The following LYN variants were observed in gnomAD, a reference collection of about 807,000 sequenced individuals.
LYN encodes the protein tyrosine-protein kinase Lyn.
A neutral mutation model predicts 65.0 loss-of-function variants in LYN; 12 were observed. The observed-to-expected ratio is 0.18, with a 90% CI of 0.12 to 0.30. The LOEUF (loss-of-function observed/expected upper bound fraction) is 0.30, where lower values mean the gene tolerates loss of function less well. Ranked by LOEUF, LYN falls within the 10% of genes least tolerant of loss-of-function variation. The pLI, the probability that LYN is intolerant of heterozygous loss-of-function variation, is 1.00. For missense variants in LYN, 380 were observed against 623.2 expected, an observed-to-expected ratio of 0.61 and a Z score of 4.16; for synonymous variants, 222 against 221.2, an observed-to-expected ratio of 1.00 and a Z score of -0.03.
intron 8 of LYN, among the ~76,000 whole-genome samples, chr8:55,956,066 C>T (rs1411936905): frequency 2.6e-5 from 4 of 151,970 alleles, no homozygotes; most frequent in Non-Finnish European, 4.4e-5. Flanking sequence ...TGTGATAAGC[C>T]TCTGTTGAAC....
intron 1 of LYN, among the ~76,000 whole-genome samples, chr8:55,908,070 G>T (rs1220189510): frequency 6.6e-6 from 1 of 151,998 alleles, no homozygotes; most frequent in African/African-American, 2.4e-5. Flanking sequence ...ATCCTGGGAA[G>T]GATTAGCATA....
intron 8 of LYN, among the ~76,000 whole-genome samples, chr8:55,965,019 A>C (rs1214142125): frequency 7.3e-6 from 1 of 137,722 alleles, no homozygotes; most frequent in Non-Finnish European, 1.6e-5. Flanking sequence ...AGCAGCTATT[A>C]CTCCCTTCTC....
At chr8:55,986,366 T>C (rs1808073206) in intron 10 of LYN, among the ~76,000 whole-genome samples, 1 of 152,220 alleles carries the variant, frequency 6.6e-6, no homozygotes, top group East Asian at 1.9e-4. Context: ...TGATAATATC[T>C]ATCTTCGGGG....
intron 12 of LYN, among the ~76,000 whole-genome samples, chr8:56,001,262 G>C (rs1423876490): frequency 6.6e-6 from 1 of 152,148 alleles, no homozygotes; most frequent in Non-Finnish European, 1.5e-5. Context: ...ATGAATGAAT[G>C]AATGACGCAC....
chr8:55,951,351 A>G (rs1806941087), intron 6 of LYN, among the ~76,000 whole-genome samples: 1 of 152,066 alleles, frequency 6.6e-6, no homozygotes, highest in Non-Finnish European at 1.5e-5. Context: ...TATTATTTGA[A>G]TAAATCCTGA....
chr8:55,939,462 A>AAGAGAGAG (rs111951441), intron 1 of LYN, among the ~76,000 whole-genome samples: 2,473 of 148,316 alleles, frequency 0.017, 63 homozygotes, highest in African/African-American at 0.053. Flanking sequence ...TTCCCAAGAG[A>AAGAGAGAG]AGAGAGAGAG....
intron 1 of LYN, chr8:55,894,097 A>G (rs889586896): frequency 3.9e-5 from 6 of 152,246 alleles, no homozygotes; most frequent in African/African-American, 1.4e-4. Flanking sequence ...GTCACAAGTG[A>G]AGTCCTGGCC....
At chr8:55,920,898 T>C (rs1199951634) in intron 1 of LYN, among the ~76,000 whole-genome samples, 1 of 152,080 alleles carries the variant, frequency 6.6e-6, no homozygotes, top group African/African-American at 2.4e-5. Flanking sequence ...GGTTTCACCA[T>C]GTTGGCTAGG....
At chr8:56,004,788 C>A (rs1163637481) in intron 12 of LYN, among the ~76,000 whole-genome samples, 1 of 151,950 alleles carries the variant, frequency 6.6e-6, no homozygotes, top group Non-Finnish European at 1.5e-5. Context: ...TTTTATTTTT[C>A]ATTTATTTAT....
At chr8:55,915,539 T>C (rs1805758789) in intron 1 of LYN, among the ~76,000 whole-genome samples, 1 of 152,070 alleles carries the variant, frequency 6.6e-6, no homozygotes, top group African/African-American at 2.4e-5. Context: ...ACCCCGTCTC[T>C]ACTAAAAATA....
chr8:55,880,097 C>A lies in LYN; in HGVS notation c.-12C>A, dbSNP rs779219387. On this transcript the variant is annotated 5_prime_UTR_variant, in exon 1 of 13. Transcript: ENST00000519728. ...CTCCGCCGCCCCGAAACTTTCACCG[C>A]GAGCGGGTGAGTCCTCTGCGCGAGC... 60 of 299,238 alleles carry A rather than the reference C, an allele frequency of 2.0e-4. 1 individual carries two copies. The highest frequency in any genetic ancestry group is 3.7e-4 in the Non-Finnish European group (55 of 147,384). The allele number at this position is 299,238 out of a possible 1,614,324, so 18.5% of individuals were successfully genotyped here.
chr8:55,926,027 AT>A (rs1806100506), intron 1 of LYN, among the ~76,000 whole-genome samples: 1 of 152,218 alleles, frequency 6.6e-6, no homozygotes, highest in Non-Finnish European at 1.5e-5. Context: ...AATTATAAGC[AT>A]TTTTTATTTA....
chr8:55,946,304 T>C (rs1806773308), intron 2 of LYN, 144 bp from the exon 3 acceptor site: 1 of 681,830 alleles, frequency 1.5e-6, no homozygotes, highest in Admixed American at 2.4e-5. Context: ...CTACAGGTTT[T>C]TCCCTCTGTG....
intron 8 of LYN, 147 bp from the exon 9 acceptor site, chr8:55,966,568 G>C (rs919700718): frequency 3.3e-6 from 2 of 605,102 alleles, no homozygotes; most frequent in Non-Finnish European, 5.7e-6. Context: ...GGGTTTCACT[G>C]TTTTAGCCAG....
chr8:55,880,125 AG>A, intron 1 of LYN, 22 bp downstream of exon 1: 2 of 255,112 alleles, frequency 7.8e-6, no homozygotes, highest in Non-Finnish European at 1.6e-5. Flanking sequence ...GCGCGAGCCC[AG>A]GGGTGGGCGC....
intron 8 of LYN, among the ~76,000 whole-genome samples, chr8:55,954,830 G>T (rs1464851635): frequency 2.4e-5 from 3 of 123,254 alleles, no homozygotes; most frequent in African/African-American, 9.2e-5. Flanking sequence ...GTGAGACCCT[G>T]CCTCAAAATA....
intron 8 of LYN, among the ~76,000 whole-genome samples, chr8:55,960,775 C>G (rs1807249148): frequency 6.6e-6 from 1 of 152,172 alleles, no homozygotes; most frequent in Non-Finnish European, 1.5e-5. Flanking sequence ...CAACCCATTT[C>G]ATTTTATGGT....
In LYN at chr8:55,953,868, C is replaced by G. The variant is rs562665552; in HGVS notation, c.674C>G (p.Ala225Gly). The change falls in exon 8 of 13, where the codon GCT becomes GGT. Residue 225 changes from alanine (A) to glycine (G), a missense_variant. Transcript: ENST00000519728. ...ADGLCRRLEK[A>G]CISPKPQKPW... The stretch of plus-strand genomic sequence containing the variant: ...GGCTTGTGCAGAAGATTGGAGAAGG[C>G]TTGTATTAGTCCCAAGCCACAGAAG... The G allele has an allele frequency of 1.2e-6, 2 of 1,613,982 alleles. No individual in the cohort carries two copies. The highest frequency in any genetic ancestry group is 1.7e-6 in the Non-Finnish European group (2 of 1,179,994).
intron 1 of LYN, among the ~76,000 whole-genome samples, chr8:55,909,428 G>A (rs763788714): frequency 6.6e-6 from 1 of 152,258 alleles, no homozygotes; most frequent in East Asian, 1.9e-4. Flanking sequence ...ACTTGGACAT[G>A]TTCAGTCATA....
Sources: gnomAD v4.1 joint callset for allele counts (sites outside exome capture counted in the v4.1 genomes callset) on GRCh38, gnomAD v4.1.1 for gene constraint, MANE v1.5 for transcripts, NCBI Gene and HGNC (gene_info 2026-07-23, HGNC 2026-07-21) for gene names.